ZNF547: variants seen among roughly 807,000 people sequenced by gnomAD.
ZNF547 encodes the protein zinc finger protein 547.
A neutral mutation model predicts 7.7 loss-of-function variants in ZNF547; 4 were observed. That is an observed-to-expected ratio of 0.52 (90% CI 0.26 to 1.20). The LOEUF (loss-of-function observed/expected upper bound fraction) is 1.20. Among genes scored for constraint, ZNF547 ranks in the 50% most tolerant of loss-of-function variants. The pLI, the probability that ZNF547 is intolerant of heterozygous loss-of-function variation, is 0.14. For synonymous variants in ZNF547, 166 were observed against 166.2 expected (o/e 1.00, Z 0.01); for missense variants, 449 against 485.8 (o/e 0.92, Z 0.71).
At position 57,378,565 on chromosome 19, in the gene ZNF547, T is replaced by C. The variant is rs1439847014; in HGVS notation, c.*380T>C. The C allele has an allele frequency of 1.0e-5, 4 of 392,202 alleles. No homozygotes were observed. Among genetic ancestry groups the C allele is most frequent in the Non-Finnish European group, 2.0e-5 (4 of 201,794 alleles). The allele number at this position is 392,202 out of a possible 1,614,324, so 24.3% of individuals were successfully genotyped here. A position where few individuals can be genotyped will look rare whatever the true frequency, so the allele number is the denominator to read the frequency against. ...ACATTATTTTGCTACTACTCCACAC[T>C]ACTTAGACATCATGTAGTTCACACT... On this transcript the variant is annotated 3_prime_UTR_variant, in exon 4 of 4. Coordinates refer to ENST00000282282, the MANE Select transcript of ZNF547 (RefSeq NM_173631.4).
chr19:57,372,679 T>C (rs1411090506), intron 3 of ZNF547, among the ~76,000 whole-genome samples: 1 of 152,280 alleles, frequency 6.6e-6, no homozygotes, highest in African/African-American at 2.4e-5. Context: ...TCATTTTTAC[T>C]CTGACTTCTA....
At chr19:57,369,646 A>G (rs950937726) in intron 2 of ZNF547, among the ~76,000 whole-genome samples, 21 of 151,828 alleles carry the variant, frequency 1.4e-4, no homozygotes, top group Non-Finnish European at 2.8e-4. Flanking sequence ...TCACTAGACA[A>G]ATGAGGGAAT....
intron 3 of ZNF547, among the ~76,000 whole-genome samples, chr19:57,373,000 CCAGGTCCAACT>C (rs2088515693): frequency 6.6e-6 from 1 of 152,224 alleles, no homozygotes; most frequent in South Asian, 2.1e-4. Context: ...TGGGTATTTG[CCAGGTCCAACT>C]CTGCACAGCA....
intron 3 of ZNF547, among the ~76,000 whole-genome samples, chr19:57,374,960 GTTCC>G (rs1320991625): frequency 2.8e-4 from 43 of 152,154 alleles, no homozygotes; most frequent in African/African-American, 9.9e-4. Flanking sequence ...CTGTTACCCA[GTTCC>G]AAAGTCACTT....
Position 57,369,240 on chromosome 19 carries a change from G to T in ZNF547, c.24+661G>T, listed in dbSNP as rs370557915. 2.6e-5 allele frequency among the ~76,000 whole-genome samples: 4 copies of T among 152,256 alleles called. No individual in the cohort carries two copies. The East Asian group carries it at 7.7e-4, about 29-fold the overall frequency. On this transcript the variant is annotated intron_variant, in intron 2 of 3. Transcript: ENST00000282282. ...TAGCGGTGGCTTCAGGATGTGTTTT[G>T]AACTGGAGCTGCCCACATTTTATGA... is the stretch of plus-strand genomic sequence containing the variant.
chr19:57,373,958 A>T (rs964466489), intron 3 of ZNF547, among the ~76,000 whole-genome samples: 7 of 152,082 alleles, frequency 4.6e-5, no homozygotes, highest in Admixed American at 4.6e-4. Context: ...GGACTGGAGG[A>T]CGTGGCCTTC....
intron 3 of ZNF547, among the ~76,000 whole-genome samples, chr19:57,374,629 T>A (rs1448036866): frequency 6.6e-6 from 1 of 152,274 alleles, no homozygotes; most frequent in Non-Finnish European, 1.5e-5. Flanking sequence ...TCTGCCTTGC[T>A]TCCTCTTGAA....
chr19:57,368,614 T>A (rs1316023671), intron 2 of ZNF547, 35 bp downstream of exon 2: 1 of 1,610,616 alleles, frequency 6.2e-7, no homozygotes, highest in African/African-American at 1.3e-5. Flanking sequence ...CACCTACCAG[T>A]TATCTCATAG....
rs1442725005 is a variant in ZNF547 at position 57,378,266 on chromosome 19, A to G, written c.*81A>G. The G allele has an allele frequency of 7.7e-7, 1 of 1,296,182 alleles. No homozygotes were observed. The highest frequency in any genetic ancestry group is 1.5e-5 in the African/African-American group (1 of 68,218). The allele number at this position is 1,296,182 out of a possible 1,614,324, so 80.3% of individuals were successfully genotyped here. A position where few individuals can be genotyped will look rare whatever the true frequency, so the allele number is the denominator to read the frequency against. ...CTGGACAGCAGGCAGTACACACTGGAGAAAGACTGAATGCCGTGAACGTGG... is the reference window on the plus strand; with the variant it reads ...CTGGACAGCAGGCAGTACACACTGGGGAAAGACTGAATGCCGTGAACGTGG... On this transcript the variant is annotated 3_prime_UTR_variant, in exon 4 of 4. Transcript: ENST00000282282.
intron 3 of ZNF547, among the ~76,000 whole-genome samples, chr19:57,376,243 C>T (rs1468929543): frequency 2.0e-5 from 3 of 152,204 alleles, no homozygotes; most frequent in Non-Finnish European, 4.4e-5. Flanking sequence ...CCCCATGATT[C>T]GGTTACCTTC....
chr19:57,370,399 G>T (rs961448132), intron 2 of ZNF547, among the ~76,000 whole-genome samples: 17 of 152,306 alleles, frequency 1.1e-4, no homozygotes, highest in African/African-American at 3.8e-4. Flanking sequence ...TGGTGTTCTG[G>T]GGCAGGACTG....
chr19:57,364,465 GGGC>G, intron 1 of ZNF547: 1 of 220,658 alleles, frequency 4.5e-6, no homozygotes, highest in South Asian at 7.6e-5. Context: ...GAGGGTGGCC[GGGC>G]GTGGTGGCTC....
chr19:57,369,896 G>GTACATTTTTTTTTTTT (rs2088493372), intron 2 of ZNF547, among the ~76,000 whole-genome samples: 1 of 33,860 alleles, frequency 3.0e-5, no homozygotes, highest in African/African-American at 9.8e-5. Context: ...TTGACTCACA[G>GTACATTTTTTTTTTTT]TTCTTTTTTT....
intron 3 of ZNF547, among the ~76,000 whole-genome samples, chr19:57,372,433 T>C (rs765286101): frequency 2.0e-5 from 3 of 152,196 alleles, no homozygotes; most frequent in Non-Finnish European, 4.4e-5. Flanking sequence ...CTGGTCTCTT[T>C]CAGGTCTCAC....
At chr19:57,372,202 G>C (rs1009242381) in intron 3 of ZNF547, among the ~76,000 whole-genome samples, 1 of 152,140 alleles carries the variant, frequency 6.6e-6, no homozygotes, top group South Asian at 2.1e-4. Context: ...TGAGACCTCT[G>C]TGCTCTGTTG....
rs1164592779 is a variant in ZNF547, at chr19:57,368,599, C to T, written c.24+20C>T. ...GCACAGGTGAGTGGAGTGTTTTCTA[C>T]CTTTCACCTACCAGTTATCTCATAG... On this transcript the variant is annotated intron_variant, in intron 2 of 3. Coordinates refer to ENST00000282282, the MANE Select transcript of ZNF547 (RefSeq NM_173631.4). 1 of 1,613,478 alleles carries T rather than the reference C, an allele frequency of 6.2e-7. No homozygotes were observed. The highest frequency in any genetic ancestry group is 8.5e-7 in the Non-Finnish European group (1 of 1,179,680).
At chr19:57,373,320 A>T (rs534045113) in intron 3 of ZNF547, among the ~76,000 whole-genome samples, 21 of 152,158 alleles carry the variant, frequency 1.4e-4, no homozygotes, top group African/African-American at 5.1e-4. Context: ...AACTGTTCCC[A>T]TGATTCAGTT....
chr19:57,373,523 A>G (rs2088519080), intron 3 of ZNF547, among the ~76,000 whole-genome samples: 2 of 149,718 alleles, frequency 1.3e-5, no homozygotes, highest in South Asian at 4.3e-4. Flanking sequence ...TCACTCTAGC[A>G]TTAACCCAAA....
intron 3 of ZNF547, among the ~76,000 whole-genome samples, chr19:57,373,433 G>A (rs556330084): frequency 1.9e-4 from 19 of 99,720 alleles, no homozygotes; most frequent in Admixed American, 4.5e-4. Flanking sequence ...ATTCCACCCC[G>A]GCCCCCCCCA....
Sources: gnomAD v4.1 joint callset for allele counts (sites outside exome capture counted in the v4.1 genomes callset) on GRCh38, gnomAD v4.1.1 for gene constraint, MANE v1.5 for transcripts, NCBI Gene and HGNC (gene_info 2026-07-23, HGNC 2026-07-21) for gene names.